The following ACVR1B variants were observed in gnomAD, a reference collection of about 807,000 sequenced individuals.
ACVR1B encodes activin A receptor type 1B, also known as activin receptor type-1B.
A neutral mutation model predicts 55.6 loss-of-function variants in ACVR1B; 15 were observed. That is an observed-to-expected ratio of 0.27 (90% CI 0.18 to 0.42). ACVR1B has a LOEUF of 0.42. Ranked by LOEUF, ACVR1B falls within the 10% of genes least tolerant of loss-of-function variation. ACVR1B has a pLI of 1.00. For synonymous variants in ACVR1B, 247 were observed against 254.6 expected (o/e 0.97, Z 0.28); for missense variants, 359 against 670.1 (o/e 0.54, Z 5.13).
chr12:51,962,253 G>A (rs1432533751), intron 1 of ACVR1B, among the ~76,000 whole-genome samples: 1 of 152,108 alleles, frequency 6.6e-6, no homozygotes, highest in Non-Finnish European at 1.5e-5. Flanking sequence ...AGCTTATCAA[G>A]TGTCTTATTG....
chr12:51,966,215 C>G (rs140040603), intron 1 of ACVR1B, among the ~76,000 whole-genome samples: 1,930 of 152,290 alleles, frequency 0.013, 15 homozygotes, highest in Middle Eastern at 0.037. Context: ...ACCTCTAACT[C>G]TAGCTAATAG....
chr12:51,973,244 T>G (rs964013766), intron 1 of ACVR1B, among the ~76,000 whole-genome samples: 1 of 152,226 alleles, frequency 6.6e-6, no homozygotes, highest in Non-Finnish European at 1.5e-5. Context: ...AACTGTGGGT[T>G]TGGGCTTGTG....
intron 1 of ACVR1B, among the ~76,000 whole-genome samples, chr12:51,960,535 A>T (rs1026516479): frequency 5.3e-5 from 8 of 152,218 alleles, no homozygotes; most frequent in African/African-American, 1.9e-4. Context: ...CTGAATGTTT[A>T]CTATATACTA....
chr12:51,963,252 A>AT (rs900207538), intron 1 of ACVR1B, among the ~76,000 whole-genome samples: 68 of 149,446 alleles, frequency 4.6e-4, no homozygotes, highest in East Asian at 2.7e-3. Flanking sequence ...TTATGTATTT[A>AT]TTTTTTTTTT....
At chr12:51,968,096 C>T (rs539824587) in intron 1 of ACVR1B, among the ~76,000 whole-genome samples, 3 of 152,134 alleles carry the variant, frequency 2.0e-5, no homozygotes, top group African/African-American at 4.8e-5. Context: ...ACTAGCCAGA[C>T]GTGGTAGCAG....
intron 1 of ACVR1B, chr12:51,953,360 G>C: frequency 3.0e-6 from 3 of 985,378 alleles, no homozygotes; most frequent in Non-Finnish European, 3.6e-6. Flanking sequence ...CCTGTGCAGC[G>C]GGGTCTTTGT....
intron 7 of ACVR1B, among the ~76,000 whole-genome samples, chr12:51,990,385 G>C (rs976727485): frequency 8.6e-5 from 11 of 127,188 alleles, no homozygotes; most frequent in African/African-American, 2.4e-4. Flanking sequence ...CGTGATCACA[G>C]CTCACTGTAG....
chr12:51,995,069 AG>A lies in ACVR1B; in HGVS notation c.*961del, dbSNP rs765992029. ...GGGTGGTGGGTGGGATGGGCAGGGA[AG>A]GAATCCTGGTGGAAGTCTTGGGTGT... On this transcript the variant is annotated 3_prime_UTR_variant, in exon 9 of 9. Coordinates refer to ENST00000257963, the MANE Select transcript of ACVR1B (RefSeq NM_004302.5). 1.3e-5 allele frequency: 2 copies of A among 153,052 alleles called. No individual in the cohort carries two copies. The highest frequency in any genetic ancestry group is 2.9e-5 in the Non-Finnish European group (2 of 68,274). 9.5% of individuals were successfully genotyped at this position (153,052 alleles called of 1,614,324 possible).
intron 1 of ACVR1B, among the ~76,000 whole-genome samples, chr12:51,960,702 C>G (rs1285825862): frequency 6.6e-6 from 1 of 152,176 alleles, no homozygotes; most frequent in Admixed American, 6.5e-5. Flanking sequence ...AACATGTGCT[C>G]TAAATATTGT....
Position 51,951,748 on chromosome 12 carries a change from C to A in ACVR1B, c.5C>A (p.Ala2Glu), listed in dbSNP as rs1941299174. M[A>E]ESAGASSFFP... ...GCGGCGGCGGCGGTGGTTACTATGG[C>A]GGAGTCGGCCGGAGCCTCCTCCTTC... Residue 2 changes from alanine (A) to glutamate (E), a missense_variant, in exon 1 of 9, where the codon GCG becomes GAG. Ala to Glu is a moderately radical substitution (Grantham distance 107). Coordinates refer to ENST00000257963, the MANE Select transcript of ACVR1B (RefSeq NM_004302.5). 1 of 1,269,134 alleles carries A rather than the reference C, an allele frequency of 7.9e-7. No individual in the cohort carries two copies. Among genetic ancestry groups the A allele is most frequent in the Non-Finnish European group, 1.0e-6 (1 of 998,746 alleles). 78.6% of individuals were successfully genotyped at this position (1,269,134 alleles called of 1,614,324 possible). A position where few individuals can be genotyped will look rare whatever the true frequency, so the allele number is the denominator to read the frequency against.
intron 8 of ACVR1B, among the ~76,000 whole-genome samples, chr12:51,993,699 G>A (rs747227795): frequency 4.0e-5 from 6 of 148,536 alleles, no homozygotes; most frequent in Admixed American, 6.8e-5. Context: ...CCCGGGAGGC[G>A]GAGGTTGCGG....
At chr12:51,963,227 T>C (rs1052956708) in intron 1 of ACVR1B, among the ~76,000 whole-genome samples, 4 of 151,698 alleles carry the variant, frequency 2.6e-5, no homozygotes, top group African/African-American at 9.7e-5. Flanking sequence ...AATTTTAATT[T>C]TATTTATTTA....
intron 7 of ACVR1B, among the ~76,000 whole-genome samples, chr12:51,990,021 C>T (rs1169831073): frequency 4.0e-5 from 6 of 151,684 alleles, no homozygotes; most frequent in African/African-American, 9.7e-5. Flanking sequence ...GGGTCAGGTG[C>T]GGTGGCTCGC....
intron 3 of ACVR1B, 70 bp from the exon 4 acceptor site, chr12:51,980,899 A>T (rs1941964731): frequency 7.4e-7 from 1 of 1,352,988 alleles, no homozygotes; most frequent in South Asian, 1.4e-5. Flanking sequence ...CCGTTGTGCC[A>T]ATTAGTGTGG....
chr12:51,959,723 G>C (rs1435760480), intron 1 of ACVR1B, among the ~76,000 whole-genome samples: 1 of 152,188 alleles, frequency 6.6e-6, no homozygotes, highest in Non-Finnish European at 1.5e-5. Flanking sequence ...CTTGAGACCT[G>C]GTGCCCAGCC....
intron 8 of ACVR1B, among the ~76,000 whole-genome samples, chr12:51,992,731 G>C (rs1942217487): frequency 6.6e-6 from 1 of 152,226 alleles, no homozygotes; most frequent in South Asian, 2.1e-4. Flanking sequence ...CAGAAACTCA[G>C]AAGGGAGGAG....
rs1419438971 is a variant in ACVR1B at position 51,994,124 on chromosome 12, C to A, written c.*14C>A. On this transcript the variant is annotated 3_prime_UTR_variant, in exon 9 of 9. Coordinates refer to ENST00000257963, the MANE Select transcript of ACVR1B (RefSeq NM_004302.5). The surrounding 1 kb of genome is among the most constrained non-coding windows in gnomAD (Gnocchi z 4.2). ...GTGAAGATCTAACTGCTCCCTCTCT[C>A]CACACGGAGCTCCTGGCAGCGAGAA... 5.0e-6 allele frequency: 8 copies of A among 1,612,130 alleles called. No homozygotes were observed. Among genetic ancestry groups the A allele is most frequent in the Non-Finnish European group, 6.8e-6 (8 of 1,179,914 alleles).
chr12:51,956,369 G>C (rs898530582), intron 1 of ACVR1B, among the ~76,000 whole-genome samples: 4 of 152,140 alleles, frequency 2.6e-5, no homozygotes, highest in Admixed American at 2.6e-4. Context: ...GTATGTGCCT[G>C]GAACAGTTTT....
At chr12:51,987,418 T>C in intron 7 of ACVR1B, 1 of 393,524 alleles carries the variant, frequency 2.5e-6, no homozygotes, top group Non-Finnish European at 4.5e-6. Flanking sequence ...TTTTCTCCCA[T>C]AGTTAAAAAT....
Sources: gnomAD v4.1 joint callset for allele counts (sites outside exome capture counted in the v4.1 genomes callset) on GRCh38, gnomAD v4.1.1 for gene constraint, Gnocchi (gnomAD v3.1) non-coding constraint, MANE v1.5 for transcripts, NCBI Gene and HGNC (gene_info 2026-07-23, HGNC 2026-07-21) for gene names.